ROBO2: variants seen among roughly 807,000 people sequenced by gnomAD.
The protein encoded by ROBO2 is roundabout homolog 2.
ROBO2 carries 53 observed loss-of-function variants against 160.8 expected under a neutral mutation model. That is an observed-to-expected ratio of 0.33 (90% CI 0.26 to 0.41). The LOEUF (loss-of-function observed/expected upper bound fraction) is 0.41. Among genes scored for constraint, ROBO2 ranks in the 10% least tolerant of loss-of-function variants. ROBO2 has a pLI of 1.00. For synonymous variants in ROBO2, 664 were observed against 611.7 expected (o/e 1.09, Z -1.26); for missense variants, 1,577 against 1,722.4 (o/e 0.92, Z 1.49).
chr3:76,746,503 C>T (rs1187072667), intron 2 of ROBO2, among the ~76,000 whole-genome samples: 1 of 152,002 alleles, frequency 6.6e-6, no homozygotes, highest in Non-Finnish European at 1.5e-5. Context: ...CTGTTGTTTC[C>T]TGACTTTTTA....
chr3:76,678,083 G>A (rs2092460025), intron 2 of ROBO2, among the ~76,000 whole-genome samples: 1 of 143,382 alleles, frequency 7.0e-6, no homozygotes, highest in Non-Finnish European at 1.5e-5. Context: ...CGATTCTCCT[G>A]CCTCAGCCTC....
At chr3:76,826,481 C>A (rs898863630) in intron 2 of ROBO2, among the ~76,000 whole-genome samples, 2 of 152,046 alleles carry the variant, frequency 1.3e-5, no homozygotes, top group African/African-American at 4.8e-5. Flanking sequence ...ATGCTAATGG[C>A]AAGTGCTCAG....
chr3:77,264,946 T>C (rs2059032821), intron 2 of ROBO2, among the ~76,000 whole-genome samples: 1 of 152,218 alleles, frequency 6.6e-6, no homozygotes, highest in Non-Finnish European at 1.5e-5. Flanking sequence ...AATCTCTTTA[T>C]TCTTGTTCCT....
At chr3:76,521,598 T>C (rs1305975211) in intron 2 of ROBO2, among the ~76,000 whole-genome samples, 1 of 152,188 alleles carries the variant, frequency 6.6e-6, no homozygotes, top group Non-Finnish European at 1.5e-5. Context: ...ACTTTCTCAG[T>C]GGAAAAACAG....
chr3:76,250,327 C>A (rs144487941), intron 2 of ROBO2, among the ~76,000 whole-genome samples: 1 of 152,108 alleles, frequency 6.6e-6, no homozygotes, highest in African/African-American at 2.4e-5. Context: ...AATAAAATAA[C>A]CTAGTTTTGA....
intron 2 of ROBO2, among the ~76,000 whole-genome samples, chr3:76,555,358 G>GGAAGAAGAAGAAGAAGAAGAAGA (rs1201244951): frequency 4.0e-4 from 23 of 57,982 alleles, no homozygotes; most frequent in African/African-American, 1.2e-3. Context: ...AGTAGGAAGA[G>GGAAGAAGAAGAAGAAGAAGAAGA]AGAAGAAGAA....
chr3:76,171,296 CCTT>C (rs2073029193), intron 2 of ROBO2, among the ~76,000 whole-genome samples: 1 of 151,590 alleles, frequency 6.6e-6, no homozygotes, highest in African/African-American at 2.4e-5. Flanking sequence ...CCCCAAATCT[CCTT>C]CTCCCAAAAC....
intron 20 of ROBO2, among the ~76,000 whole-genome samples, chr3:77,604,808 G>A (rs1265615743): frequency 6.6e-6 from 1 of 152,056 alleles, no homozygotes; most frequent in Non-Finnish European, 1.5e-5. Context: ...TTCTTAATTT[G>A]TGGATAGCAA....
At chr3:76,615,562 C>T (rs1419602439) in intron 2 of ROBO2, among the ~76,000 whole-genome samples, 1 of 152,002 alleles carries the variant, frequency 6.6e-6, no homozygotes, top group Non-Finnish European at 1.5e-5. Context: ...AAGATAATTG[C>T]CCCAAGTGAA....
intron 2 of ROBO2, among the ~76,000 whole-genome samples, chr3:77,252,831 A>AAAAAAAATATATATATATATATATAT: frequency 8.0e-5 from 1 of 12,518 alleles, no homozygotes; most frequent in African/African-American, 1.6e-4. Flanking sequence ...AAAAAAAAAA[A>AAAAAAAATATATATATATATATATAT]ATATATATAT....
At chr3:77,351,503 A>G (rs1287335943) in intron 2 of ROBO2, among the ~76,000 whole-genome samples, 1 of 152,154 alleles carries the variant, frequency 6.6e-6, no homozygotes, top group African/African-American at 2.4e-5. Context: ...AGGAACTGGG[A>G]TCGGCAAAAA....
intron 5 of ROBO2, among the ~76,000 whole-genome samples, chr3:77,503,252 G>A (rs1184782826): frequency 7.9e-5 from 12 of 151,304 alleles, no homozygotes; most frequent in African/African-American, 2.4e-4. Flanking sequence ...ATGGCCAGGC[G>A]CGGTGGCTCA....
intron 1 of ROBO2, among the ~76,000 whole-genome samples, chr3:75,921,961 A>G (rs932189691): frequency 2.0e-5 from 3 of 152,180 alleles, no homozygotes; most frequent in Non-Finnish European, 2.9e-5. Flanking sequence ...ACCATGTTTT[A>G]TACTACTCAG....
At chr3:77,030,256 G>A (rs6778244) in intron 2 of ROBO2, among the ~76,000 whole-genome samples, 151,962 of 152,370 alleles carry the variant, frequency 1, 75,779 homozygotes, top group Middle Eastern at 1. Context: ...AGTACCATTC[G>A]GTTCTGAACT....
At chr3:77,182,042 G>T (rs115414929) in intron 2 of ROBO2, among the ~76,000 whole-genome samples, 3,120 of 152,072 alleles carry the variant, frequency 0.021, 96 homozygotes, top group African/African-American at 0.07. Context: ...CTGATATTTT[G>T]TAGATGGTTA....
rs138481819 is a variant in ROBO2 at position 76,803,509 on chromosome 3, G to A, written c.110-294505G>A. ...GGAGGGAGAGAGGAAGGGAGGAGGGGAGAGAGGGAGGCGAGAAAAAAGAAA... is the reference window on the plus strand; with the variant it reads ...GGAGGGAGAGAGGAAGGGAGGAGGGAAGAGAGGGAGGCGAGAAAAAAGAAA... On this transcript the variant is annotated intron_variant, in intron 2 of 26. Coordinates refer to the ROBO2 transcript ENST00000487694. Among the ~76,000 whole-genome samples, 201 of 150,954 alleles carry A rather than the reference G, an allele frequency of 1.3e-3. 1 individual carries two copies. Among genetic ancestry groups the A allele is most frequent in the African/African-American group, 4.8e-3 (198 of 41,092 alleles).
At position 76,861,017 on chromosome 3, in the gene ROBO2, C is replaced by G. The variant is rs28723475; in HGVS notation, c.110-236997C>G. 1.3e-3 allele frequency among the ~76,000 whole-genome samples: 197 copies of G among 152,292 alleles called. 1 individual carries two copies. Among genetic ancestry groups the G allele is most frequent in the African/African-American group, 4.6e-3 (190 of 41,554 alleles). On this transcript the variant is annotated intron_variant, in intron 2 of 26. Transcript: ENST00000487694. ...CCTCTAAGATGACTCTCAGCAAGCT[C>G]ACTGGCGACCTCCAAAATTTCCATC...
At chr3:76,851,584 A>C (rs1449056869) in intron 2 of ROBO2, among the ~76,000 whole-genome samples, 1 of 150,078 alleles carries the variant, frequency 6.7e-6, no homozygotes, top group Non-Finnish European at 1.5e-5. Context: ...AAATACAAAA[A>C]ATTAGCCGGG....
intron 2 of ROBO2, among the ~76,000 whole-genome samples, chr3:77,377,715 A>T (rs896273569): frequency 1.2e-4 from 18 of 152,234 alleles, no homozygotes; most frequent in Admixed American, 8.5e-4. Flanking sequence ...TTACTGCAAT[A>T]GGAGTTAGAT....
Sources: gnomAD v4.1 joint callset for allele counts (sites outside exome capture counted in the v4.1 genomes callset) on GRCh38, gnomAD v4.1.1 for gene constraint, MANE v1.5 for transcripts, NCBI Gene and HGNC (gene_info 2026-07-23, HGNC 2026-07-21) for gene names.